The following CEP126 variants were observed in gnomAD, a reference collection of about 807,000 sequenced individuals.
CEP126 encodes the protein centrosomal protein 126, also known as centrosomal protein of 126 kDa.
Under a neutral mutation model 107.8 loss-of-function variants are expected in CEP126, and 74 were observed. The ratio of observed to expected loss-of-function variants is 0.69; its 90% CI spans 0.57 to 0.83. CEP126 has a LOEUF of 0.83. Among genes scored for constraint, CEP126 ranks in the 40% least tolerant of loss-of-function variants. CEP126 has a pLI of 0.00. For synonymous variants in CEP126, 449 were observed against 446.0 expected (o/e 1.01, Z -0.08); for missense variants, 1,237 against 1,281.9 (o/e 0.96, Z 0.53).
chr11:101,921,346 C>A (rs527911897), intron 1 of CEP126, among the ~76,000 whole-genome samples: 1 of 152,170 alleles, frequency 6.6e-6, no homozygotes, highest in South Asian at 2.1e-4. Flanking sequence ...TAGTAAAATA[C>A]AATCTTCTTA....
At chr11:101,932,875 C>T (rs1565351602) in intron 2 of CEP126, among the ~76,000 whole-genome samples, 1 of 152,054 alleles carries the variant, frequency 6.6e-6, no homozygotes, top group Non-Finnish European at 1.5e-5. Flanking sequence ...CTGCCTGAAC[C>T]GTATCTGTTT....
intron 4 of CEP126, 87 bp from the exon 5 acceptor site, chr11:101,958,081 A>T (rs1940922994): frequency 1.8e-6 from 2 of 1,083,488 alleles, no homozygotes; most frequent in Admixed American, 4.1e-5. Flanking sequence ...ACACACACGT[A>T]TTACACCTAA....
At chr11:101,916,668 C>T (rs1940219825) in intron 1 of CEP126, 1 of 152,180 alleles carries the variant, frequency 6.6e-6, no homozygotes, top group Admixed American at 6.5e-5. Flanking sequence ...TTGGACACAA[C>T]TGCTATTACA....
chr11:101,940,595 G>A (rs1486891805), intron 2 of CEP126, among the ~76,000 whole-genome samples: 1 of 152,164 alleles, frequency 6.6e-6, no homozygotes, highest in African/African-American at 2.4e-5. Context: ...TCAGATTTGT[G>A]CTGTGGTTGG....
At chr11:101,927,428 A>G (rs956843270) in intron 2 of CEP126, among the ~76,000 whole-genome samples, 9 of 152,224 alleles carry the variant, frequency 5.9e-5, no homozygotes, top group Non-Finnish European at 1.3e-4. Context: ...GTTTCCCCCA[A>G]TGATAACATC....
At chr11:101,951,526 A>G (rs1041048767) in intron 4 of CEP126, among the ~76,000 whole-genome samples, 1 of 152,032 alleles carries the variant, frequency 6.6e-6, no homozygotes, top group Non-Finnish European at 1.5e-5. Flanking sequence ...GAAAAAGGAG[A>G]AGGAGAAGGA....
chr11:101,928,572 G>A lies in CEP126; in HGVS notation c.248+5812G>A, dbSNP rs114273601. Among the ~76,000 whole-genome samples the A allele has an allele frequency of 4.4e-3, 669 of 152,244 alleles. 5 individuals are homozygous for A. The highest frequency in any genetic ancestry group is 0.015 in the African/African-American group (643 of 41,554). On this transcript the variant is annotated intron_variant, in intron 2 of 10. Coordinates refer to ENST00000263468, the MANE Select transcript of CEP126 (RefSeq NM_020802.4). ...ATCAGATGTGTACCAAAGTTTGGAG[G>A]TTTTGTTTGATAGTTTTTTGGGGGT...
intron 6 of CEP126, among the ~76,000 whole-genome samples, chr11:101,966,457 C>G (rs2137115936): frequency 6.6e-6 from 1 of 152,218 alleles, no homozygotes; most frequent in South Asian, 2.1e-4. Flanking sequence ...ATTAGCATTT[C>G]CAGAACACTC....
chr11:101,990,323 C>T (rs1215706823), intron 9 of CEP126, among the ~76,000 whole-genome samples: 2 of 152,126 alleles, frequency 1.3e-5, no homozygotes, highest in Non-Finnish European at 2.9e-5. Flanking sequence ...AAGCGCCCCC[C>T]ATACAGAACA....
In CEP126 at chr11:101,915,412, T is replaced by G. The variant is rs1456981604; in HGVS notation, c.128T>G (p.Leu43Arg). Reference protein sequence around the residue: ...SGGHHRPGSYLDMKIHLEKNL... With the variant: ...SGGHHRPGSYRDMKIHLEKNL... The stretch of plus-strand genomic sequence containing the variant: ...GGGCATCACCGACCTGGCTCTTACC[T>G]GTATCCTTCCCAGCCTGTGGCTGCC... The change falls in exon 1 of 11, where the codon CTA (leucine) becomes CGA (arginine). Residue 43 changes from leucine to arginine, a missense_variant and splice_region_variant. Leu to Arg is a moderately radical substitution (Grantham distance 102). Around this residue, in one of 3 missense-constraint regions of CEP126, gnomAD observed 1,134 missense variants for 1,150.5 expected, o/e 0.99. Transcript: ENST00000263468. The G allele has an allele frequency of 1.9e-6, 3 of 1,610,522 alleles. No homozygotes were observed. The highest frequency in any genetic ancestry group is 1.7e-5 in the Admixed American group (1 of 59,786).
chr11:101,979,324 C>T (rs1941229180), intron 7 of CEP126, among the ~76,000 whole-genome samples: 1 of 152,086 alleles, frequency 6.6e-6, no homozygotes, highest in African/African-American at 2.4e-5. Flanking sequence ...CTATTGAGGA[C>T]CTTTCATAGG....
At chr11:101,933,971 G>A (rs1325511833) in intron 2 of CEP126, among the ~76,000 whole-genome samples, 1 of 152,070 alleles carries the variant, frequency 6.6e-6, no homozygotes, top group Non-Finnish European at 1.5e-5. Flanking sequence ...TTTTCTCTAT[G>A]ATAAAGGATG....
intron 6 of CEP126, among the ~76,000 whole-genome samples, chr11:101,964,318 A>C (rs1941033301): frequency 6.7e-6 from 1 of 149,656 alleles, no homozygotes; most frequent in Admixed American, 6.7e-5. Context: ...AAAAAGAAAG[A>C]AGTAACTTAC....
chr11:101,997,752 G>T lies in CEP126; in HGVS notation c.*109G>T. On this transcript the variant is annotated 3_prime_UTR_variant, in exon 11 of 11. Transcript: ENST00000263468. The stretch of plus-strand genomic sequence containing the variant: ...AAAACATGTGAGCAACAACCCCCAT[G>T]AACATTTGTCCTAACTCAGATTTTG... 1 of 1,484,132 alleles carries T rather than the reference G, an allele frequency of 6.7e-7. No homozygotes were observed. The highest frequency in any genetic ancestry group is 1.2e-5 in the South Asian group (1 of 85,048). 91.9% of individuals were successfully genotyped at this position (1,484,132 alleles called of 1,614,324 possible). A position where few individuals can be genotyped will look rare whatever the true frequency, so the allele number is the denominator to read the frequency against.
At position 101,962,162 on chromosome 11, in the gene CEP126, T is replaced by C; in HGVS notation, c.1127T>C (p.Met376Thr). ...NSVPFVSSPP[M>T]FVLDKKCEKT... ...GTACCCTTTGTATCTAGCCCACCCA[T>C]GTTTGTACTAGATAAAAAATGTGAA... Residue 376 changes from methionine (M) to threonine (T), a missense_variant, in exon 6 of 11, where the codon ATG (methionine) becomes ACG (threonine). Met to Thr is a moderately conservative substitution (Grantham distance 81). This residue lies in a region of CEP126 where 1,134 missense variants were observed against 1,150.5 expected (regional missense o/e 0.99). Transcript: ENST00000263468. 6 of 1,613,692 alleles carry C rather than the reference T, an allele frequency of 3.7e-6. No homozygotes were observed. Among genetic ancestry groups the C allele is most frequent in the South Asian group, 1.1e-5 (1 of 91,000 alleles).
At chr11:101,972,277 T>G (rs972391760) in intron 6 of CEP126, among the ~76,000 whole-genome samples, 1 of 149,708 alleles carries the variant, frequency 6.7e-6, no homozygotes, top group Non-Finnish European at 1.5e-5. Flanking sequence ...ATACAAAAAA[T>G]TAGCCGGGCG....
chr11:101,921,970 G>C (rs970015241), intron 1 of CEP126, among the ~76,000 whole-genome samples: 7 of 150,852 alleles, frequency 4.6e-5, no homozygotes, highest in African/African-American at 1.7e-4. Context: ...GTTTTCAGTA[G>C]AGACAGGTTT....
chr11:101,963,928 T>TA, intron 6 of CEP126, 48 bp downstream of exon 6: 1 of 1,241,620 alleles, frequency 8.1e-7, no homozygotes, highest in Non-Finnish European at 1.1e-6. Context: ...ACACCTTTGT[T>TA]AAAGTCATGT....
intron 2 of CEP126, among the ~76,000 whole-genome samples, chr11:101,940,295 T>C (rs1314118047): frequency 6.6e-6 from 1 of 152,136 alleles, no homozygotes; most frequent in Non-Finnish European, 1.5e-5. Flanking sequence ...AAAACTAATT[T>C]CTAAAATCAA....
Sources: allele counts gnomAD v4.1 joint callset (sites outside exome capture counted in the v4.1 genomes callset), GRCh38; gene constraint gnomAD v4.1.1; regional missense constraint gnomAD v4.1.1; transcripts MANE v1.5; gene names NCBI Gene and HGNC (gene_info 2026-07-23, HGNC 2026-07-21).